The following ZFHX3 variants were observed in gnomAD, a reference collection of about 807,000 sequenced individuals.
ZFHX3 encodes zinc finger homeobox 3.
Under a neutral mutation model 279.1 loss-of-function variants are expected in ZFHX3, and 42 were observed. The observed-to-expected ratio is 0.15, with a 90% CI of 0.12 to 0.19. ZFHX3 has a LOEUF of 0.19. Among genes scored for constraint, ZFHX3 ranks in the 10% least tolerant of loss-of-function variants. The pLI is 1.00. For synonymous variants in ZFHX3, 2,293 were observed against 1,957.8 expected, an observed-to-expected ratio of 1.17 and a Z score of -4.52; for missense variants, 4,981 against 4,754.0, an observed-to-expected ratio of 1.05 and a Z score of -1.40.
chr16:72,870,481 A>G (rs555307810), intron 4 of ZFHX3, among the ~76,000 whole-genome samples: 68 of 152,258 alleles, frequency 4.5e-4, no homozygotes, highest in Non-Finnish European at 8.7e-4. Flanking sequence ...AGGCAGAGGC[A>G]GACAGATCAC....
chr16:73,182,721 T>C (rs546170022), intron 5 of ZFHX3, among the ~76,000 whole-genome samples: 12 of 152,284 alleles, frequency 7.9e-5, no homozygotes, highest in Admixed American at 1.3e-4. Flanking sequence ...AAGAATGAAA[T>C]CATGTCTTTT....
At chr16:73,356,625 T>G (rs925925971) in intron 3 of ZFHX3, among the ~76,000 whole-genome samples, 34 of 152,180 alleles carry the variant, frequency 2.2e-4, no homozygotes, top group African/African-American at 7.7e-4. Flanking sequence ...ACAATGGCAA[T>G]GCTAACAAGT....
intron 1 of ZFHX3, among the ~76,000 whole-genome samples, chr16:73,842,209 T>G (rs1250515097): frequency 6.7e-6 from 1 of 148,958 alleles, no homozygotes; most frequent in Non-Finnish European, 1.5e-5. Context: ...AGAGCGAAAC[T>G]CCATCTCAAA....
At chr16:73,590,884 T>C (rs2051987559) in intron 2 of ZFHX3, among the ~76,000 whole-genome samples, 1 of 151,964 alleles carries the variant, frequency 6.6e-6, no homozygotes, top group South Asian at 2.1e-4. Context: ...GGGGACGATA[T>C]CTCATCCCCT....
intron 7 of ZFHX3, among the ~76,000 whole-genome samples, chr16:73,106,744 T>A (rs1238335594): frequency 6.6e-6 from 1 of 152,154 alleles, no homozygotes; most frequent in African/African-American, 2.4e-5. Flanking sequence ...CTTAGAAAGT[T>A]TAAGTAATCA....
chr16:73,093,763 A>G (rs1413573304), intron 7 of ZFHX3: 1 of 271,170 alleles, frequency 3.7e-6, no homozygotes, highest in African/African-American at 2.2e-5. Flanking sequence ...AGAAAGAAAA[A>G]CGCAACCTAA....
intron 1 of ZFHX3, among the ~76,000 whole-genome samples, chr16:73,685,972 T>C (rs2142201497): frequency 6.6e-6 from 1 of 152,368 alleles, no homozygotes; most frequent in South Asian, 2.1e-4. Flanking sequence ...AATGTGTTCA[T>C]GTATGTGTAG....
intron 2 of ZFHX3, among the ~76,000 whole-genome samples, chr16:73,633,128 CTA>C: frequency 6.6e-6 from 1 of 152,268 alleles, no homozygotes; most frequent in South Asian, 2.1e-4. Flanking sequence ...ACTTTAATTT[CTA>C]TGTTTCAAAC....
At chr16:73,219,748 C>A (rs146994493) in intron 5 of ZFHX3, among the ~76,000 whole-genome samples, 2,141 of 152,308 alleles carry the variant, frequency 0.014, 29 homozygotes, top group Middle Eastern at 0.041. Flanking sequence ...CTGCCTCCCC[C>A]AGTCAGTAGG....
At chr16:73,750,804 T>C (rs1199858734) in intron 1 of ZFHX3, among the ~76,000 whole-genome samples, 1 of 151,930 alleles carries the variant, frequency 6.6e-6, no homozygotes, top group Admixed American at 6.6e-5. Context: ...CAATTAGGGG[T>C]AATATGATGC....
rs1276412314 is a variant in ZFHX3, at chr16:73,369,696, G to A, written c.-1290-51360C>T. ...AAAAATGTAGATGCTGGTGGCTCTT[G>A]CTCCTGAAGATTTGGATCAGGAGGG... On this transcript the variant is annotated intron_variant, in intron 3 of 17. Transcript: ENST00000641206. Among the ~76,000 whole-genome samples the A allele has an allele frequency of 2.6e-5, 4 of 152,208 alleles. No homozygotes were observed. The East Asian group carries it at 7.7e-4, about 29-fold the overall frequency.
chr16:73,803,854 G>T (rs1204747904), intron 1 of ZFHX3, among the ~76,000 whole-genome samples: 1 of 152,106 alleles, frequency 6.6e-6, no homozygotes, highest in Admixed American at 6.6e-5. Flanking sequence ...GATACAGAAA[G>T]ATATCCATCA....
At chr16:73,483,337 CAGAGAGAGAGAGAA>C (rs2018906260) in intron 2 of ZFHX3, 1 of 412,144 alleles carries the variant, frequency 2.4e-6, no homozygotes, top group South Asian at 1.6e-5. Flanking sequence ...GAGTGAGAGA[CAGAGAGAGAGAGAA>C]AGAGAGAGAG....
At chr16:72,887,394 C>G (rs1017385504) in intron 4 of ZFHX3, among the ~76,000 whole-genome samples, 2 of 152,142 alleles carry the variant, frequency 1.3e-5, no homozygotes, top group Non-Finnish European at 2.9e-5. Flanking sequence ...AATTATAAAA[C>G]TCTACATGGC....
intron 2 of ZFHX3, among the ~76,000 whole-genome samples, chr16:73,494,977 C>T (rs1347892407): frequency 2.0e-5 from 3 of 152,146 alleles, no homozygotes; most frequent in Admixed American, 6.5e-5. Context: ...GAGTTCCACT[C>T]GCCTTGTTTC....
intron 7 of ZFHX3, among the ~76,000 whole-genome samples, chr16:73,108,370 G>A (rs962711973): frequency 5.3e-5 from 8 of 151,772 alleles, no homozygotes; most frequent in South Asian, 2.1e-4. Flanking sequence ...TGATGATGAT[G>A]AGGAGGAGGA....
At chr16:73,045,573 A>C (rs1367699383) in intron 1 of ZFHX3, among the ~76,000 whole-genome samples, 2 of 151,978 alleles carry the variant, frequency 1.3e-5, no homozygotes, top group South Asian at 2.1e-4. Flanking sequence ...TCATTTGTGC[A>C]AACAAAAAAT....
In ZFHX3 at chr16:73,165,234, T is replaced by A. The variant is rs150996631; in HGVS notation, c.-1103-21403A>T. On this transcript the variant is annotated intron_variant, in intron 5 of 17. Coordinates refer to the ZFHX3 transcript ENST00000641206. Reference sequence around the variant, plus strand: ...CAAGCTGGAATTACCCCAACCCGGATGCAAAACACGCCGGCAGCTGGGAGG... The same window carrying A: ...CAAGCTGGAATTACCCCAACCCGGAAGCAAAACACGCCGGCAGCTGGGAGG... Among the ~76,000 whole-genome samples the A allele has an allele frequency of 2.6e-3, 400 of 152,284 alleles. 1 individual carries two copies. The highest frequency in any genetic ancestry group is 9.4e-3 in the African/African-American group (390 of 41,560).
At chr16:73,073,577 C>T (rs949525495) in intron 8 of ZFHX3, among the ~76,000 whole-genome samples, 16 of 152,314 alleles carry the variant, frequency 1.1e-4, no homozygotes, top group African/African-American at 3.1e-4. Context: ...CAGCTCACTG[C>T]AACCTCCACC....
Sources: allele counts gnomAD v4.1 joint callset (sites outside exome capture counted in the v4.1 genomes callset), GRCh38; gene constraint gnomAD v4.1.1; transcripts MANE v1.5; gene names NCBI Gene and HGNC (gene_info 2026-07-23, HGNC 2026-07-21).